LARP7: variants seen among roughly 807,000 people sequenced by gnomAD.
The protein encoded by LARP7 is la-related protein 7.
LARP7 carries 52 observed loss-of-function variants against 69.3 expected under a neutral mutation model. The ratio of observed to expected loss-of-function variants is 0.75; its 90% CI spans 0.60 to 0.95. The LOEUF is 0.95. Among genes scored for constraint, LARP7 ranks in the 40% least tolerant of loss-of-function variants. LARP7 has a pLI of 0.00. For synonymous variants in LARP7, 254 were observed against 215.9 expected (o/e 1.18, Z -1.55); for missense variants, 733 against 673.0 (o/e 1.09, Z -0.99).
intron 8 of LARP7, chr4:112,648,394 G>A (rs2048482521): frequency 1.3e-5 from 7 of 534,490 alleles, no homozygotes; most frequent in South Asian, 8.4e-5. Context: ...ACTTACTTTT[G>A]TTTCACACAG....
rs752690093 is a variant in LARP7, at chr4:112,654,178, T to G, written c.1668+19T>G. ...TGAAAAGGTAATTGATTCATTTTTG[T>G]TTTTTTAGACTAAACTTTCCTTGAA... On this transcript the variant is annotated intron_variant, in intron 12 of 12. Coordinates refer to ENST00000344442, the MANE Select transcript of LARP7 (RefSeq NM_016648.4). 26 of 1,573,696 alleles carry G rather than the reference T, an allele frequency of 1.7e-5. No individual in the cohort carries two copies. The highest frequency in any genetic ancestry group is 2.0e-5 in the Non-Finnish European group (23 of 1,143,920).
intron 10 of LARP7, among the ~76,000 whole-genome samples, chr4:112,651,248 A>G (rs1164887569): frequency 6.6e-6 from 1 of 152,170 alleles, no homozygotes; most frequent in Non-Finnish European, 1.5e-5. Flanking sequence ...ATCACTTAGT[A>G]TGTTGTTTTG....
intron 7 of LARP7, 38 bp downstream of exon 7, chr4:112,647,587 ATTTTAATTAATTAGTT>A (rs771384465): frequency 6.9e-5 from 97 of 1,414,328 alleles, no homozygotes; most frequent in Non-Finnish European, 8.7e-5. Context: ...AAACTAATTA[ATTTTAATTAATTAGTT>A]TTTAATTAAT....
chr4:112,646,554 A>G, intron 3 of LARP7, 34 bp from the exon 4 acceptor site: 1 of 1,312,448 alleles, frequency 7.6e-7, no homozygotes, highest in Non-Finnish European at 1.0e-6. Flanking sequence ...TATAAATAAT[A>G]TTAGTTTTAT....
At position 112,654,177 on chromosome 4, in the gene LARP7, GT is replaced by G; in HGVS notation, c.1668+25del. 6.3e-7 allele frequency: 1 copy of G among 1,581,144 alleles called. No homozygotes were observed. Among genetic ancestry groups the G allele is most frequent in the Admixed American group, 1.7e-5 (1 of 59,674 alleles). ...CTGAAAAGGTAATTGATTCATTTTT[GT>G]TTTTTTAGACTAAACTTTCCTTGAA... On this transcript the variant is annotated intron_variant, in intron 12 of 12. Coordinates refer to ENST00000344442, the MANE Select transcript of LARP7 (RefSeq NM_016648.4).
At chr4:112,643,067 C>T (rs192266685) in intron 1 of LARP7, among the ~76,000 whole-genome samples, 5 of 152,358 alleles carry the variant, frequency 3.3e-5, no homozygotes, top group African/African-American at 1.2e-4. Flanking sequence ...ATTTATTCAA[C>T]ACATTTTTAA....
At chr4:112,644,896 CA>C (rs1215211681) in intron 2 of LARP7, 25 bp downstream of exon 2, 3 of 1,190,854 alleles carry the variant, frequency 2.5e-6, no homozygotes, top group Non-Finnish European at 3.5e-6. Flanking sequence ...GTAAAGGAAC[CA>C]ATTTTTAGAT....
Position 112,650,537 on chromosome 4 carries a change from G to T in LARP7, c.1371G>T (p.Val457=), listed in dbSNP as rs1453604175. Reference sequence around the variant, plus strand: ...CACAGTTCGTGAGTGGAGTGATTGTGAAGATCATTAGCACAGAGCCTCTAC... The same window carrying T: ...CACAGTTCGTGAGTGGAGTGATTGTTAAGATCATTAGCACAGAGCCTCTAC... ...TGPQFVSGVI[V]KIISTEPLPG... The change falls in exon 10 of 13, where the codon GTG becomes GTT. Residue 457 remains valine (V), a synonymous_variant. Transcript: ENST00000344442. 1.2e-6 allele frequency: 2 copies of T among 1,613,764 alleles called. No homozygotes were observed. The highest frequency in any genetic ancestry group is 3.3e-5 in the Admixed American group (2 of 59,982).
At chr4:112,646,476 T>G (rs1354963141) in intron 3 of LARP7, 25 bp downstream of exon 3, 1 of 1,396,212 alleles carries the variant, frequency 7.2e-7, no homozygotes, top group Non-Finnish European at 1.0e-6. Context: ...TAACTACTGT[T>G]TATATTTATA....
intron 12 of LARP7, 126 bp from the exon 13 acceptor site, chr4:112,657,121 A>C (rs1433862480): frequency 9.0e-5 from 39 of 435,544 alleles, no homozygotes; most frequent in Non-Finnish European, 1.5e-4. Flanking sequence ...CTGTTTTTAA[A>C]AAATTTCCAT....
In LARP7 at chr4:112,649,553, GAA is replaced by G. The variant is rs1386408458; in HGVS notation, c.1166_1167del (p.Lys389ArgfsTer9). Reference protein sequence around the residue: ...VLSKSEWMDLKKEYLALQKAS... With the variant: ...VLSKSEWMDLXKEYLALQKAS... The stretch of plus-strand genomic sequence containing the variant: ...CTTGTAGGAGCGAATGGATGGATTT[GAA>G]AAAAGAGTATTTAGCGCTACAAAAA... On this transcript the variant is annotated frameshift_variant, in exon 9 of 13. Transcript: ENST00000344442. LOFTEE classifies it high-confidence loss of function. 2 of 1,599,912 alleles carry G rather than the reference GAA, an allele frequency of 1.3e-6. No homozygotes were observed. The highest frequency in any genetic ancestry group is 1.7e-6 in the Non-Finnish European group (2 of 1,174,152).
chr4:112,650,728 G>A (rs1284400719), intron 10 of LARP7, 146 bp downstream of exon 10: 1 of 823,634 alleles, frequency 1.2e-6, no homozygotes, highest in Non-Finnish European at 1.8e-6. Flanking sequence ...TAATTCCATG[G>A]TAACTCTTAG....
chr4:112,643,108 C>T (rs2048024285), intron 1 of LARP7, among the ~76,000 whole-genome samples: 1 of 152,148 alleles, frequency 6.6e-6, no homozygotes, highest in Admixed American at 6.6e-5. Context: ...GACAATATAT[C>T]AGTAAACAAA....
intron 1 of LARP7, among the ~76,000 whole-genome samples, chr4:112,643,865 G>C (rs746022132): frequency 6.6e-6 from 1 of 151,476 alleles, no homozygotes; most frequent in Non-Finnish European, 1.5e-5. Context: ...AAAGAGAAGA[G>C]AAGAAGAAAG....
chr4:112,647,520 A>G lies in LARP7; in HGVS notation c.968A>G (p.Glu323Gly). 6.2e-7 allele frequency: 1 copy of G among 1,607,524 alleles called. No individual in the cohort carries two copies. Among genetic ancestry groups the G allele is most frequent in the African/African-American group, 1.3e-5 (1 of 74,502 alleles). The change falls in exon 7 of 13, where the codon GAA becomes GGA. Residue 323 changes from glutamate to glycine, a missense_variant. Glu to Gly is a moderately conservative substitution (Grantham distance 98). Coordinates refer to ENST00000344442, the MANE Select transcript of LARP7 (RefSeq NM_016648.4). ...ATTATTCAGAAAGACATCATTAAGG[A>G]AGCATCAGAAGCTTCCAAGGAAAAT... ...KKIIQKDIIK[E>G]ASEASKENRD... is the part of the protein sequence containing the mutation.
chr4:112,640,489 G>A (rs1560916432), intron 1 of LARP7, among the ~76,000 whole-genome samples: 1 of 152,082 alleles, frequency 6.6e-6, no homozygotes, highest in Non-Finnish European at 1.5e-5. Flanking sequence ...ATCACTTGAG[G>A]TCAGGAGTTT....
intron 1 of LARP7, among the ~76,000 whole-genome samples, chr4:112,639,317 C>T (rs1458126258): frequency 1.3e-5 from 2 of 150,770 alleles, no homozygotes; most frequent in African/African-American, 4.9e-5. Context: ...TCACACCTTT[C>T]TCCTGCCTCA....
intron 12 of LARP7, among the ~76,000 whole-genome samples, chr4:112,656,935 T>C (rs946631325): frequency 2.0e-5 from 3 of 152,316 alleles, no homozygotes; most frequent in African/African-American, 7.2e-5. Flanking sequence ...TGGAATATTT[T>C]AGACATTTTA....
chr4:112,652,305 C>A (rs865989218), intron 10 of LARP7, among the ~76,000 whole-genome samples: 3 of 140,400 alleles, frequency 2.1e-5, no homozygotes, highest in Non-Finnish European at 3.1e-5. Flanking sequence ...CCCCCCCCCC[C>A]CATTTAGCAA....
Sources: allele counts gnomAD v4.1 joint callset (sites outside exome capture counted in the v4.1 genomes callset), GRCh38; gene constraint gnomAD v4.1.1; transcripts MANE v1.5; gene names NCBI Gene and HGNC (gene_info 2026-07-23, HGNC 2026-07-21).